Variants in ALDH1L1 observed in about 807,000 individuals in gnomAD.
ALDH1L1 encodes the protein cytosolic 10-formyltetrahydrofolate dehydrogenase.
Under a neutral mutation model 101.1 loss-of-function variants are expected in ALDH1L1, and 68 were observed. That is an observed-to-expected ratio of 0.67 (90% CI 0.55 to 0.82). ALDH1L1 has a LOEUF of 0.82. ALDH1L1 is among the 40% of genes least tolerant of loss of function. The probability of loss-of-function intolerance (pLI) is 0.00; values close to 1 mark genes in which losing one functional copy is unlikely to be tolerated. For synonymous variants in ALDH1L1, 486 were observed against 470.8 expected (o/e 1.03, Z -0.42); for missense variants, 1,087 against 1,172.7 (o/e 0.93, Z 1.07).
At chr3:126,179,395 G>A (rs955035566) in intron 1 of ALDH1L1, among the ~76,000 whole-genome samples, 4 of 152,232 alleles carry the variant, frequency 2.6e-5, no homozygotes, top group Non-Finnish European at 4.4e-5. Context: ...TAGCACTCGG[G>A]AGGCTGAGGC....
intron 22 of ALDH1L1, chr3:126,105,508 G>A: frequency 1.7e-6 from 1 of 602,526 alleles, no homozygotes; most frequent in Non-Finnish European, 3.0e-6. Flanking sequence ...TCTCCTCCAG[G>A]CCCCTCTTCT....
intron 4 of ALDH1L1, 85 bp from the exon 5 acceptor site, chr3:126,155,588 T>G: frequency 8.3e-7 from 1 of 1,202,056 alleles, no homozygotes; most frequent in Non-Finnish European, 1.1e-6. Context: ...GCCTGGACCC[T>G]TCCCCAGACT....
At chr3:126,168,220 G>A (rs2081205627) in intron 1 of ALDH1L1, among the ~76,000 whole-genome samples, 3 of 151,982 alleles carry the variant, frequency 2.0e-5, no homozygotes, top group Admixed American at 2.0e-4. Context: ...ACTCAAAAGA[G>A]TATTATATGC....
Position 126,157,450 on chromosome 3 carries a change from G to C in ALDH1L1, c.421C>G (p.Leu141Val), listed in dbSNP as rs975016631. The C allele has an allele frequency of 2.5e-6, 4 of 1,614,140 alleles. No individual in the cohort carries two copies. The South Asian group carries it at 3.3e-5, about 13-fold the overall frequency. ...TGCAGCAGCAGGTCTCCGGTGTCCA[G>C]ACCATCATCCGCCCAGAAGATGGAA... ...GFSIFWADDG[L>V]DTGDLLLQKE... The change falls in exon 4 of 23, where the codon CTG becomes GTG. Residue 141 changes from leucine (L) to valine (V), a missense_variant. This residue lies in a region of ALDH1L1 where 645 missense variants were observed against 637.0 expected (regional missense o/e 1.01). Transcript: ENST00000393434.
rs1030500950 is a variant in ALDH1L1 at position 126,103,817 on chromosome 3, C to T, written c.2683G>A (p.Val895Ile). The change falls in exon 23 of 23, where the codon GTC (valine) becomes ATC (isoleucine). Residue 895 changes from valine to isoleucine, a missense_variant. Val to Ile is a conservative substitution (Grantham distance 29). This residue lies in a region of ALDH1L1 where 442 missense variants were observed against 535.7 expected (regional missense o/e 0.83). Transcript: ENST00000393434. The stretch of plus-strand genomic sequence containing the variant: ...CAGTATTCGAAGGTCACTGTCTTGA[C>T]CCGCAGGTACTCGTTCAGAGCCGCC... ...GEAALNEYLR[V>I]KTVTFEY is the part of the protein sequence containing the mutation. The T allele has an allele frequency of 2.5e-6, 4 of 1,613,566 alleles. No homozygotes were observed. Among genetic ancestry groups the T allele is most frequent in the Non-Finnish European group, 3.4e-6 (4 of 1,179,852 alleles).
At chr3:126,128,221 T>G (rs1315357211) in intron 14 of ALDH1L1, among the ~76,000 whole-genome samples, 9 of 152,092 alleles carry the variant, frequency 5.9e-5, no homozygotes, top group African/African-American at 2.2e-4. Context: ...AACACAAACA[T>G]CCAAAAGAGC....
At chr3:126,153,008 C>G in intron 7 of ALDH1L1, 1 of 298,266 alleles carries the variant, frequency 3.4e-6, no homozygotes, top group East Asian at 8.5e-5. Flanking sequence ...TCCCAAGGCT[C>G]TGCACGTGCT....
chr3:126,180,485 G>A lies in ALDH1L1; in HGVS notation c.-33C>T, dbSNP rs2081455588. On this transcript the variant is annotated 5_prime_UTR_variant, in exon 1 of 23. Coordinates refer to ENST00000393434, the MANE Select transcript of ALDH1L1 (RefSeq NM_012190.4). ...GAGCCCAGAAACTCACCGCGCGCAG[G>A]AGTTGGTGCGGGCGTCCCGGGCAGG... 1.0e-6 allele frequency: 1 copy of A among 996,448 alleles called. No homozygotes were observed. Among genetic ancestry groups the A allele is most frequent in the Non-Finnish European group, 1.2e-6 (1 of 836,406 alleles). 61.7% of individuals were successfully genotyped at this position (996,448 alleles called of 1,614,324 possible).
In ALDH1L1 at chr3:126,136,808, C is replaced by T. The variant is rs375750290; in HGVS notation, c.1300G>A (p.Glu434Lys). Residue 434 changes from glutamate (E) to lysine (K), a missense_variant, in exon 11 of 23, where the codon GAG becomes AAG. Glu to Lys is a moderately conservative substitution (Grantham distance 56, BLOSUM62 1). Transcript: ENST00000393434. The part of the protein sequence containing the change: ...LFIGGEFVDA[E>K]GAKTSETINP... ...ATGGTCTCAGAGGTCTTGGCGCCCT[C>T]GGCATCCACGAACTCCCCCCCAATG... 22 of 1,599,522 alleles carry T rather than the reference C, an allele frequency of 1.4e-5. No homozygotes were observed. The highest frequency in any genetic ancestry group is 1.1e-4 in the African/African-American group (8 of 74,760).
chr3:126,182,458 C>T (rs1021093974), upstream of ALDH1L1, among the ~76,000 whole-genome samples: 1 of 152,198 alleles, frequency 6.6e-6, no homozygotes, highest in Admixed American at 6.6e-5. Flanking sequence ...CTGCCTTCAA[C>T]TGCAATTTTA....
chr3:126,147,422 C>A (rs1401333863), intron 8 of ALDH1L1, among the ~76,000 whole-genome samples: 1 of 152,204 alleles, frequency 6.6e-6, no homozygotes, highest in Non-Finnish European at 1.5e-5. Context: ...TTCAGGAGAC[C>A]TGGGTCTTGA....
At chr3:126,111,624 G>C (rs1437358369) in intron 19 of ALDH1L1, among the ~76,000 whole-genome samples, 1 of 152,190 alleles carries the variant, frequency 6.6e-6, no homozygotes, top group Non-Finnish European at 1.5e-5. Context: ...TTTTCCCACT[G>C]CTTCCGGACT....
In ALDH1L1 at chr3:126,154,624, G is replaced by A. The variant is rs756704756; in HGVS notation, c.650C>T (p.Ala217Val). ...ETAKINWDQP[A>V]EAIHNWIRGN... ...GCGGATCCAGTTGTGAATGGCCTCT[G>A]CCGGCTGGTCCCAGTTGATCTGTGG... Residue 217 changes from alanine (A) to valine (V), a missense_variant, in exon 6 of 23, where the codon GCA becomes GTA. This residue lies in a region of ALDH1L1 where 645 missense variants were observed against 637.0 expected (regional missense o/e 1.01). Transcript: ENST00000393434. 1.2e-6 allele frequency: 2 copies of A among 1,614,126 alleles called. No individual in the cohort carries two copies. The highest frequency in any genetic ancestry group is 1.7e-4 in the Middle Eastern group (1 of 6,060).
intron 1 of ALDH1L1, among the ~76,000 whole-genome samples, chr3:126,190,672 T>A (rs1423651011): frequency 1.3e-5 from 2 of 152,234 alleles, no homozygotes; most frequent in Non-Finnish European, 2.9e-5. Context: ...GGCATTCCCT[T>A]GATACTCAGG....
rs182657858 is a variant in ALDH1L1, at chr3:126,136,590, C to T, written c.1344+174G>A. 2.7e-3 allele frequency among the ~76,000 whole-genome samples: 408 copies of T among 152,260 alleles called. 8 individuals carry two copies. The highest frequency in any genetic ancestry group is 0.023 in the Admixed American group (359 of 15,294). On this transcript the variant is annotated intron_variant, in intron 11 of 22. Transcript: ENST00000393434. ...GCCACCACCCTGCACCTCCTCTCCACTCCACTCCAGTAAGGTGGGCTGGAA... is the reference window on the plus strand; with the variant it reads ...GCCACCACCCTGCACCTCCTCTCCATTCCACTCCAGTAAGGTGGGCTGGAA...
rs1294616983 is a variant in ALDH1L1, at chr3:126,103,809, T to C, written c.2691A>G (p.Thr897=). The change falls in exon 23 of 23, where the codon ACA becomes ACG. Residue 897 remains threonine (T), a synonymous_variant. Transcript: ENST00000393434. The part of the protein sequence containing the change: ...AALNEYLRVK[T]VTFEY ...CCTTTCTTCAGTATTCGAAGGTCAC[T>C]GTCTTGACCCGCAGGTACTCGTTCA... 4.3e-6 allele frequency: 7 copies of C among 1,613,640 alleles called. No homozygotes were observed. Among genetic ancestry groups the C allele is most frequent in the African/African-American group, 2.7e-5 (2 of 74,932 alleles).
chr3:126,140,289 G>C (rs1048725299), intron 9 of ALDH1L1, among the ~76,000 whole-genome samples: 1 of 152,104 alleles, frequency 6.6e-6, no homozygotes, highest in East Asian at 1.9e-4. Flanking sequence ...TGGCAACAAC[G>C]AATTCCATAT....
At chr3:126,169,749 G>A (rs1226282403) in intron 1 of ALDH1L1, among the ~76,000 whole-genome samples, 4 of 152,116 alleles carry the variant, frequency 2.6e-5, no homozygotes, top group African/African-American at 9.7e-5. Flanking sequence ...GATTTAAAAG[G>A]CCTATGTAGC....
intron 17 of ALDH1L1, chr3:126,115,564 G>GTTTGTTTTGT (rs550650669): frequency 2.7e-5 from 4 of 150,798 alleles, no homozygotes; most frequent in African/African-American, 9.9e-5. Flanking sequence ...AGTTTTGTTT[G>GTTTGTTTTGT]TTTGTTTTGT....
Sources: gnomAD v4.1 joint callset for allele counts (sites outside exome capture counted in the v4.1 genomes callset) on GRCh38, gnomAD v4.1.1 for gene constraint, gnomAD v4.1.1 regional missense constraint, MANE v1.5 for transcripts, NCBI Gene and HGNC (gene_info 2026-07-23, HGNC 2026-07-21) for gene names.